KDM5A: variants seen among roughly 807,000 people sequenced by gnomAD.
KDM5A encodes lysine demethylase 5A.
Under a neutral mutation model 193.5 loss-of-function variants are expected in KDM5A, and 42 were observed. The observed-to-expected ratio is 0.22, with a 90% CI of 0.17 to 0.28. The LOEUF is 0.28. Among genes scored for constraint, KDM5A ranks in the 10% least tolerant of loss-of-function variants. The pLI, the probability that KDM5A is intolerant of heterozygous loss-of-function variation, is 1.00. For synonymous variants in KDM5A, 796 were observed against 718.1 expected (o/e 1.11, Z -1.73); for missense variants, 1,692 against 2,055.1 (o/e 0.82, Z 3.42).
At chr12:379,307 G>C (rs1944546577) in intron 3 of KDM5A, among the ~76,000 whole-genome samples, 1 of 152,092 alleles carries the variant, frequency 6.6e-6, no homozygotes. Context: ...CCTCTTGCTA[G>C]AATAAAATGT....
Position 285,509 on chromosome 12 carries a change from A to G in KDM5A, c.5020T>C (p.Ser1674Pro). ...GGTAGTTTGTAGCTCATTATGAAGG[A>G]AGGAGGTGGTGCTGGACCTGGGCTA... ...PVSPGPAPPP[S>P]FIMSYKLPME... is the part of the protein sequence containing the mutation. The change falls in exon 28 of 28, where the codon TCC becomes CCC. Residue 1674 changes from serine (S) to proline (P), a missense_variant. Ser to Pro is a moderately conservative substitution (Grantham distance 74, BLOSUM62 -1). Transcript: ENST00000399788. 1.9e-6 allele frequency: 3 copies of G among 1,614,010 alleles called. No homozygotes were observed. The highest frequency in any genetic ancestry group is 2.5e-6 in the Non-Finnish European group (3 of 1,179,924).
chr12:296,017 T>C (rs1489808698), intron 25 of KDM5A, among the ~76,000 whole-genome samples: 2 of 152,000 alleles, frequency 1.3e-5, no homozygotes, highest in Non-Finnish European at 2.9e-5. Context: ...TTGGGGTTAT[T>C]AATAAAAAAC....
chr12:316,276 TC>T (rs1282239154), intron 19 of KDM5A, among the ~76,000 whole-genome samples: 1 of 152,230 alleles, frequency 6.6e-6, no homozygotes, highest in East Asian at 1.9e-4. Flanking sequence ...TGAAATTCAT[TC>T]ATTTATTTCT....
chr12:357,338 C>CA (rs35804849), intron 5 of KDM5A, among the ~76,000 whole-genome samples: 33 of 142,618 alleles, frequency 2.3e-4, no homozygotes, highest in Admixed American at 2.8e-4. Flanking sequence ...CCGTTTCTAC[C>CA]AAAAAAAAAA....
At chr12:367,545 A>G (rs1331107566) in intron 3 of KDM5A, among the ~76,000 whole-genome samples, 1 of 152,078 alleles carries the variant, frequency 6.6e-6, no homozygotes, top group African/African-American at 2.4e-5. Context: ...AAAAAAATAT[A>G]CAAAGAATTA....
intron 24 of KDM5A, among the ~76,000 whole-genome samples, chr12:299,914 T>C (rs12318637): frequency 0.3 from 39,560 of 131,438 alleles, 6,902 homozygotes; most frequent in East Asian, 0.53. Flanking sequence ...ATAAAACAGA[T>C]TTTAAACCAA....
chr12:357,853 A>AAAAAAAAAC (rs1944246342), intron 5 of KDM5A, among the ~76,000 whole-genome samples: 1 of 149,116 alleles, frequency 6.7e-6, no homozygotes, highest in Admixed American at 6.7e-5. Context: ...AAAAAAAAAA[A>AAAAAAAAAC]AGCCCTTTTG....
At chr12:286,903 A>C (rs1943225942) in intron 27 of KDM5A, among the ~76,000 whole-genome samples, 1 of 152,172 alleles carries the variant, frequency 6.6e-6, no homozygotes, top group Non-Finnish European at 1.5e-5. Context: ...GTTAACATCA[A>C]GATTACTCAA....
chr12:350,409 C>CA (rs1191798175), intron 10 of KDM5A, among the ~76,000 whole-genome samples: 2 of 127,220 alleles, frequency 1.6e-5, no homozygotes, highest in Non-Finnish European at 3.1e-5. Context: ...GCCTAGGTGA[C>CA]AGAGTGAGAT....
rs1943742862 is a variant in KDM5A at position 323,229 on chromosome 12, A to AAAAAAAAAAG, written c.2151-24_2151-23insCTTTTTTTTT. ...TATCTACAAAAAAAAAAAAAAAAAA[A>AAAAAAAAAAG]AAAAAAAAAAGAAAACAGAAATAAA... On this transcript the variant is annotated intron_variant, in intron 15 of 27. Coordinates refer to ENST00000399788, the MANE Select transcript of KDM5A (RefSeq NM_001042603.3). The AAAAAAAAAAG allele has an allele frequency of 5.3e-6, 8 of 1,495,340 alleles. No homozygotes were observed. In the East Asian group the frequency reaches 7.5e-5, roughly 14 times the overall value. The allele number at this position is 1,495,340 out of a possible 1,614,324, so 92.6% of individuals were successfully genotyped here.
intron 15 of KDM5A, among the ~76,000 whole-genome samples, 171 bp downstream of exon 15, chr12:323,429 C>T (rs1435504172): frequency 2.0e-5 from 3 of 152,068 alleles, no homozygotes; most frequent in African/African-American, 7.2e-5. Context: ...AAACTAATTT[C>T]AGCTGCCAGG....
At chr12:296,594 C>G (rs576310452) in intron 25 of KDM5A, among the ~76,000 whole-genome samples, 1 of 152,240 alleles carries the variant, frequency 6.6e-6, no homozygotes, top group African/African-American at 2.4e-5. Context: ...AGTAATGTGA[C>G]TTGTTTTTGC....
At chr12:324,789 C>T (rs1943762118) in intron 14 of KDM5A, among the ~76,000 whole-genome samples, 1 of 151,888 alleles carries the variant, frequency 6.6e-6, no homozygotes, top group African/African-American at 2.4e-5. Flanking sequence ...AGGAGAATCA[C>T]TTGAGCCCGG....
intron 9 of KDM5A, 34 bp downstream of exon 9, chr12:352,171 C>T (rs1399486409): frequency 1.9e-6 from 3 of 1,541,082 alleles, no homozygotes; most frequent in Non-Finnish European, 2.7e-6. Flanking sequence ...ATCTTTGTAC[C>T]TCCCCGGACC....
chr12:293,033 T>C lies in KDM5A; in HGVS notation c.4592A>G (p.Asp1531Gly). ...TTTTAATTTCTTCTTTCTAGGTTTG[T>C]CCATTTTCTTTAACTCCTTGGACTT... Reference protein sequence around the residue: ...KQKSKELKKMDKPRKKKLKLG... With the variant: ...KQKSKELKKMGKPRKKKLKLG... The change falls in exon 27 of 28, where the codon GAC (aspartate) becomes GGC (glycine). Residue 1531 changes from aspartate (D) to glycine (G), a missense_variant. Asp to Gly is a moderately conservative substitution (Grantham distance 94, BLOSUM62 -1). Around this residue, in one of 11 missense-constraint regions of KDM5A, gnomAD observed 965 missense variants for 1,061.0 expected, o/e 0.91. Transcript: ENST00000399788. 1 of 1,587,528 alleles carries C rather than the reference T, an allele frequency of 6.3e-7. No individual in the cohort carries two copies. Among genetic ancestry groups the C allele is most frequent in the Non-Finnish European group, 8.5e-7 (1 of 1,173,156 alleles).
intron 4 of KDM5A, among the ~76,000 whole-genome samples, chr12:363,641 C>T (rs1003386723): frequency 3.9e-5 from 6 of 152,082 alleles, no homozygotes; most frequent in Non-Finnish European, 7.4e-5. Context: ...CAAAATGCAT[C>T]ACTGACCAAA....
intron 10 of KDM5A, among the ~76,000 whole-genome samples, chr12:339,511 A>C (rs958177428): frequency 6.6e-6 from 1 of 152,214 alleles, no homozygotes; most frequent in African/African-American, 2.4e-5. Flanking sequence ...AAAAGGCTTC[A>C]CTGCCTGTCT....
chr12:367,134 T>C (rs1308317729), intron 3 of KDM5A, among the ~76,000 whole-genome samples: 2 of 152,212 alleles, frequency 1.3e-5, no homozygotes, highest in African/African-American at 2.4e-5. Context: ...ATCCCTGTCA[T>C]TAAGTGACAC....
At chr12:348,639 T>C (rs966522836) in intron 10 of KDM5A, among the ~76,000 whole-genome samples, 2 of 152,084 alleles carry the variant, frequency 1.3e-5, no homozygotes, top group African/African-American at 4.8e-5. Flanking sequence ...GAAACCATCA[T>C]TCTCAGCAAA....
Sources: gnomAD v4.1 joint callset for allele counts (sites outside exome capture counted in the v4.1 genomes callset) on GRCh38, gnomAD v4.1.1 for gene constraint, gnomAD v4.1.1 regional missense constraint, MANE v1.5 for transcripts, NCBI Gene and HGNC (gene_info 2026-07-23, HGNC 2026-07-21) for gene names.